The following PLEKHG1 variants were observed in gnomAD, a reference collection of about 807,000 sequenced individuals.
The protein encoded by PLEKHG1 is pleckstrin homology and RhoGEF domain containing G1.
A neutral mutation model predicts 100.8 loss-of-function variants in PLEKHG1; 44 were observed. The observed-to-expected ratio is 0.44, with a 90% CI of 0.34 to 0.56. The LOEUF is 0.56. Ranked by LOEUF, PLEKHG1 falls within the 20% of genes least tolerant of loss-of-function variation. The pLI, the probability that PLEKHG1 is intolerant of heterozygous loss-of-function variation, is 0.01. For synonymous variants in PLEKHG1, 640 were observed against 662.5 expected, an observed-to-expected ratio of 0.97 and a Z score of 0.52; for missense variants, 1,545 against 1,720.9, an observed-to-expected ratio of 0.90 and a Z score of 1.81.
At chr6:150,735,699 A>G (rs1193490567) in intron 2 of PLEKHG1, among the ~76,000 whole-genome samples, 1 of 152,222 alleles carries the variant, frequency 6.6e-6, no homozygotes, top group Non-Finnish European at 1.5e-5. Context: ...CAAAAATTTT[A>G]CAGCCTCTCA....
chr6:150,610,017 T>C (rs574196883), intron 1 of PLEKHG1, among the ~76,000 whole-genome samples: 160 of 152,280 alleles, frequency 1.1e-3, no homozygotes, highest in African/African-American at 3.7e-3. Flanking sequence ...CTGGGTGAAC[T>C]CCCCTCACCA....
chr6:150,801,196 G>A (rs1040534407), intron 6 of PLEKHG1, among the ~76,000 whole-genome samples: 6 of 152,108 alleles, frequency 3.9e-5, no homozygotes, highest in Non-Finnish European at 8.8e-5. Flanking sequence ...CATCAGCCCC[G>A]ATTCAGTAGG....
intron 2 of PLEKHG1, among the ~76,000 whole-genome samples, chr6:150,743,252 G>A (rs1390579615): frequency 4.6e-5 from 7 of 152,212 alleles, no homozygotes; most frequent in Non-Finnish European, 1.0e-4. Flanking sequence ...GGGTGTGGCG[G>A]CTCATGCCTG....
chr6:150,701,370 T>C (rs1394284976), intron 3 of PLEKHG1, among the ~76,000 whole-genome samples: 2 of 139,932 alleles, frequency 1.4e-5, no homozygotes, highest in Admixed American at 1.5e-4. Context: ...GGGTTATATC[T>C]GTAGATGACC....
intron 2 of PLEKHG1, among the ~76,000 whole-genome samples, chr6:150,741,092 T>A (rs1246237395): frequency 6.6e-6 from 1 of 152,208 alleles, no homozygotes; most frequent in East Asian, 1.9e-4. Context: ...CAACCTGATC[T>A]GGGAAGGAGG....
At chr6:150,623,153 C>T (rs1777377506) in intron 1 of PLEKHG1, among the ~76,000 whole-genome samples, 1 of 152,110 alleles carries the variant, frequency 6.6e-6, no homozygotes, top group East Asian at 1.9e-4. Context: ...CCCCAGGCCT[C>T]ACTTGAATAT....
rs7741487 is a variant in PLEKHG1, at chr6:150,735,020, C to G, written c.411+928C>G. ...TTTTTTTTTGAGACGGAGTTTAGCT[C>G]TTGTTTCCCAGGCTGGAGTGCAATG... is the stretch of plus-strand genomic sequence containing the variant. On this transcript the variant is annotated intron_variant, in intron 2 of 15. Transcript: ENST00000358517. Among the ~76,000 whole-genome samples, 3 of 108,848 alleles carry G rather than the reference C, an allele frequency of 2.8e-5. No homozygotes were observed. In the East Asian group the frequency reaches 8.8e-4, roughly 32 times the overall value. The allele number at this position is 108,848 out of a possible 152,430, so 71.4% of individuals were successfully genotyped here.
intron 1 of PLEKHG1, among the ~76,000 whole-genome samples, chr6:150,726,125 C>A (rs2128612697): frequency 6.6e-6 from 1 of 152,130 alleles, no homozygotes; most frequent in East Asian, 1.9e-4. Flanking sequence ...GAGGGAGAAA[C>A]AGGGAGGTAA....
intron 3 of PLEKHG1, among the ~76,000 whole-genome samples, chr6:150,659,836 C>A (rs977030935): frequency 2.0e-5 from 3 of 152,182 alleles, no homozygotes; most frequent in African/African-American, 7.2e-5. Flanking sequence ...TTCCTGAGTG[C>A]TGTTAATTCC....
intron 2 of PLEKHG1, among the ~76,000 whole-genome samples, chr6:150,736,875 G>A (rs79595314): frequency 0.017 from 2,544 of 152,206 alleles, 71 homozygotes; most frequent in East Asian, 0.057. Flanking sequence ...TATTGTTTTG[G>A]TTATTTCTAA....
intron 3 of PLEKHG1, among the ~76,000 whole-genome samples, chr6:150,682,632 G>A (rs945337094): frequency 4.6e-5 from 7 of 152,192 alleles, no homozygotes; most frequent in East Asian, 3.9e-4. Flanking sequence ...TCCTAATACC[G>A]AACTCAGAAT....
At position 150,706,021 on chromosome 6, in the gene PLEKHG1, CAT is replaced by C. The variant is rs540270549; in HGVS notation, c.-98-27562_-98-27561del. 1.9e-3 allele frequency among the ~76,000 whole-genome samples: 295 copies of C among 152,174 alleles called. 1 individual carries two copies. Among genetic ancestry groups the C allele is most frequent in the African/African-American group, 6.7e-3 (279 of 41,460 alleles). On this transcript the variant is annotated intron_variant, in intron 3 of 3. Coordinates refer to the PLEKHG1 transcript ENST00000367326. ...TTGCCCGTAAATCCAGTTTTATAGT[CAT>C]TGTTTATTTTGATGGGACTAGAATC...
chr6:150,672,786 T>C (rs1006920200), intron 3 of PLEKHG1, among the ~76,000 whole-genome samples: 1 of 152,222 alleles, frequency 6.6e-6, no homozygotes, highest in African/African-American at 2.4e-5. Context: ...TAAGATTAAA[T>C]AAAGTAACTG....
chr6:150,656,611 A>G (rs528173633), intron 3 of PLEKHG1, among the ~76,000 whole-genome samples: 1 of 152,124 alleles, frequency 6.6e-6, no homozygotes, highest in South Asian at 2.1e-4. Context: ...TCATGCTACC[A>G]CTCCTTTAAT....
intron 2 of PLEKHG1, among the ~76,000 whole-genome samples, chr6:150,738,755 T>C (rs1054477443): frequency 6.6e-6 from 1 of 152,222 alleles, no homozygotes; most frequent in Admixed American, 6.5e-5. Flanking sequence ...CATTTACTTT[T>C]GTACACTTGA....
chr6:150,795,253 G>A lies in PLEKHG1; in HGVS notation c.583-603G>A, dbSNP rs184954401. 3.8e-3 allele frequency among the ~76,000 whole-genome samples: 578 copies of A among 152,126 alleles called. 6 individuals carry two copies. Among genetic ancestry groups the A allele is most frequent in the Middle Eastern group, 0.027 (8 of 294 alleles). On this transcript the variant is annotated intron_variant, in intron 4 of 15. Coordinates refer to ENST00000358517, the Ensembl canonical transcript of PLEKHG1. ...AAAATACAAAAAACTAGCTGGGCGCGGTGACGCATGCCTGTAATCCCAGCT... is the reference window on the plus strand; with the variant it reads ...AAAATACAAAAAACTAGCTGGGCGCAGTGACGCATGCCTGTAATCCCAGCT...
In PLEKHG1 at chr6:150,809,486, G is replaced by C. The variant is rs777505892; in HGVS notation, c.1191+10G>C. The stretch of plus-strand genomic sequence containing the variant: ...GCAGCACACAGTCCAGGTAGCAGCC[G>C]GGCCCTGGCCTCTCCGCAAGGCCCC... On this transcript the variant is annotated intron_variant, in intron 9 of 15. Coordinates refer to ENST00000358517, the Ensembl canonical transcript of PLEKHG1. 1 of 1,608,862 alleles carries C rather than the reference G, an allele frequency of 6.2e-7. No homozygotes were observed. The highest frequency in any genetic ancestry group is 8.5e-7 in the Non-Finnish European group (1 of 1,175,824).
intron 2 of PLEKHG1, among the ~76,000 whole-genome samples, chr6:150,736,812 C>T (rs1220402090): frequency 6.6e-6 from 1 of 151,714 alleles, no homozygotes; most frequent in African/African-American, 2.4e-5. Flanking sequence ...AGCCAATTCA[C>T]TACAGCAGAA....
intron 3 of PLEKHG1, among the ~76,000 whole-genome samples, chr6:150,705,312 G>A (rs983562871): frequency 4.6e-5 from 7 of 152,222 alleles, no homozygotes; most frequent in Admixed American, 4.6e-4. Context: ...GCTGTAAATG[G>A]TTTATCTCAT....
Sources: gnomAD v4.1 joint callset for allele counts (sites outside exome capture counted in the v4.1 genomes callset) on GRCh38, gnomAD v4.1.1 for gene constraint, MANE v1.5 for transcripts, NCBI Gene and HGNC (gene_info 2026-07-23, HGNC 2026-07-21) for gene names.